Variants in CFAP299 observed in about 807,000 individuals in gnomAD.
CFAP299 encodes the protein cilia and flagella associated protein 299.
Under a neutral mutation model 27.0 loss-of-function variants are expected in CFAP299, and 21 were observed. That is an observed-to-expected ratio of 0.78 (90% confidence interval 0.55 to 1.12). The LOEUF is 1.12. CFAP299 is among the 50% of genes most tolerant of loss of function. CFAP299 has a pLI of 0.00. For missense variants in CFAP299, 310 were observed against 276.6 expected (o/e 1.12, Z -0.86); for synonymous variants, 104 against 98.1 (o/e 1.06, Z -0.36).
intron 3 of CFAP299, among the ~76,000 whole-genome samples, chr4:80,866,059 TTATATATATATATATATATA>T (rs70956073): frequency 4.5e-4 from 26 of 58,382 alleles, no homozygotes; most frequent in East Asian, 1.1e-3. Context: ...ACTTAAAGTA[TTATATATATATATATATATA>T]TATATATATA....
At chr4:80,504,494 TATATATATA>T (rs1731908836) in intron 2 of CFAP299, among the ~76,000 whole-genome samples, 1 of 132,406 alleles carries the variant, frequency 7.6e-6, no homozygotes, top group Non-Finnish European at 1.6e-5. Flanking sequence ...TATATATATA[TATATATATA>T]TATTTTCCTT....
chr4:80,798,457 C>T (rs1437772185), intron 3 of CFAP299, among the ~76,000 whole-genome samples: 1 of 152,156 alleles, frequency 6.6e-6, no homozygotes, highest in East Asian at 1.9e-4. Flanking sequence ...TCCTCCCACA[C>T]ATCCCCATTC....
chr4:80,531,138 G>A (rs2110187255), intron 2 of CFAP299, among the ~76,000 whole-genome samples: 1 of 152,232 alleles, frequency 6.6e-6, no homozygotes, highest in African/African-American at 2.4e-5. Flanking sequence ...TCCAGATGAG[G>A]ATGGCTTGGA....
At position 80,583,111 on chromosome 4, in the gene CFAP299, T is replaced by C. The variant is rs757609223; in HGVS notation, c.261T>C (p.Gly87=). ...TTTACAGGACGCTAACAAGTGCTGG[T>C]AAAGACCTACAAGATAATTTTCTGA... ...RAQQKTLTSA[G]KDLQDNFLTA... The change falls in exon 3 of 6, where the codon GGT becomes GGC. Residue 87 remains glycine (G), a synonymous_variant. Transcript: ENST00000358105. 3.1e-6 allele frequency: 5 copies of C among 1,603,974 alleles called. No homozygotes were observed. The highest frequency in any genetic ancestry group is 4.3e-6 in the Non-Finnish European group (5 of 1,173,704).
intron 3 of CFAP299, among the ~76,000 whole-genome samples, chr4:80,688,768 C>T (rs560522491): frequency 6.6e-6 from 1 of 152,088 alleles, no homozygotes; most frequent in African/African-American, 2.4e-5. Flanking sequence ...ACATTCAAAC[C>T]AAAGGCAAAG....
intron 3 of CFAP299, among the ~76,000 whole-genome samples, chr4:80,812,610 A>G (rs960880301): frequency 1.3e-5 from 2 of 152,124 alleles, no homozygotes; most frequent in African/African-American, 4.8e-5. Flanking sequence ...AGCTTTATGA[A>G]CTAATGTAGA....
At chr4:80,871,021 C>G (rs943951144) in intron 4 of CFAP299, 1 of 501,968 alleles carries the variant, frequency 2.0e-6, no homozygotes, top group East Asian at 1.5e-4. Context: ...ATTCTCTTGT[C>G]TCAGCCTCCC....
At chr4:80,495,084 A>T (rs1009023275) in intron 2 of CFAP299, among the ~76,000 whole-genome samples, 3 of 152,244 alleles carry the variant, frequency 2.0e-5, no homozygotes, top group Non-Finnish European at 2.9e-5. Flanking sequence ...ATCACAGTTC[A>T]TATGTTAAGT....
At chr4:80,873,436 T>C (rs34620960) in intron 4 of CFAP299, among the ~76,000 whole-genome samples, 18,900 of 152,140 alleles carry the variant, frequency 0.12, 1,349 homozygotes, top group Middle Eastern at 0.25. Flanking sequence ...TCAGCTTCCA[T>C]CTTAACTATG....
intron 3 of CFAP299, among the ~76,000 whole-genome samples, chr4:80,596,856 T>C (rs1242025628): frequency 6.6e-6 from 1 of 152,208 alleles, no homozygotes; most frequent in African/African-American, 2.4e-5. Flanking sequence ...TTTCTGACTT[T>C]TTAAACTAAA....
At position 80,576,829 on chromosome 4, in the gene CFAP299, A is replaced by C. The variant is rs574911336; in HGVS notation, c.243-6264A>C. Among the ~76,000 whole-genome samples, 23 of 152,318 alleles carry C rather than the reference A, an allele frequency of 1.5e-4. No homozygotes were observed. In the South Asian group the frequency reaches 4.8e-3, roughly 32 times the overall value. On this transcript the variant is annotated intron_variant, in intron 2 of 5. Coordinates refer to ENST00000358105, the MANE Select transcript of CFAP299 (RefSeq NM_152770.3). The stretch of plus-strand genomic sequence containing the variant: ...GAAAGAGTTGAATGTAAATTCTCTA[A>C]ATGTGAAATATAGGCTAGATTGGAG...
intron 3 of CFAP299, among the ~76,000 whole-genome samples, chr4:80,691,678 T>A (rs1441372040): frequency 6.6e-6 from 1 of 150,770 alleles, no homozygotes; most frequent in Non-Finnish European, 1.5e-5. Context: ...AACATAGTGT[T>A]GGAAGTTCTG....
At chr4:80,871,310 T>C in intron 4 of CFAP299, 2 of 985,448 alleles carry the variant, frequency 2.0e-6, no homozygotes, top group Non-Finnish European at 2.4e-6. Context: ...GTCTTTTTGA[T>C]TTTTGGTTGT....
chr4:80,488,668 G>A (rs550943278), intron 2 of CFAP299, among the ~76,000 whole-genome samples: 58 of 152,166 alleles, frequency 3.8e-4, no homozygotes, highest in African/African-American at 1.4e-3. Context: ...AATAGAGACG[G>A]GGTTTCACCG....
intron 2 of CFAP299, among the ~76,000 whole-genome samples, chr4:80,529,239 T>A (rs1388243068): frequency 6.6e-6 from 1 of 152,158 alleles, no homozygotes; most frequent in Non-Finnish European, 1.5e-5. Flanking sequence ...CATGGTTTTT[T>A]TTTCTCTGCC....
chr4:80,564,593 A>C (rs1400065364), intron 2 of CFAP299, among the ~76,000 whole-genome samples: 4 of 148,536 alleles, frequency 2.7e-5, no homozygotes, highest in African/African-American at 1.0e-4. Flanking sequence ...AGAGAAACTG[A>C]AACTCTAAGA....
chr4:80,506,254 A>T (rs916188674), intron 2 of CFAP299, among the ~76,000 whole-genome samples: 1 of 152,128 alleles, frequency 6.6e-6, no homozygotes, highest in African/African-American at 2.4e-5. Flanking sequence ...TTTTGGTTAT[A>T]GTAAATCCAG....
At chr4:80,802,229 T>C (rs58091725) in intron 3 of CFAP299, among the ~76,000 whole-genome samples, 4,161 of 152,100 alleles carry the variant, frequency 0.027, 130 homozygotes, top group African/African-American at 0.082. Flanking sequence ...GAGTAAACAA[T>C]CATTTTAAAA....
At chr4:80,352,007 A>G (rs945757752) in intron 1 of CFAP299, among the ~76,000 whole-genome samples, 1 of 151,896 alleles carries the variant, frequency 6.6e-6, no homozygotes. Flanking sequence ...AAGGAGATTT[A>G]TAATGTCTAT....
Sources: gnomAD v4.1 joint callset for allele counts (sites outside exome capture counted in the v4.1 genomes callset) on GRCh38, gnomAD v4.1.1 for gene constraint, MANE v1.5 for transcripts, NCBI Gene and HGNC (gene_info 2026-07-23, HGNC 2026-07-21) for gene names.